Variants in FAM227A observed in about 807,000 individuals in gnomAD.
FAM227A encodes the protein family with sequence similarity 227 member A.
A neutral mutation model predicts 74.7 loss-of-function variants in FAM227A; 80 were observed. The observed-to-expected ratio is 1.07, with a 90% CI of 0.89 to 1.29. The LOEUF (loss-of-function observed/expected upper bound fraction) is 1.29. Ranked by LOEUF, FAM227A falls within the 50% of genes most tolerant of loss-of-function variation. The probability of loss-of-function intolerance (pLI) is 0.00; values close to 1 mark genes in which losing one functional copy is unlikely to be tolerated. For missense variants in FAM227A, 654 were observed against 683.4 expected (o/e 0.96, Z 0.48); for synonymous variants, 237 against 241.8 (o/e 0.98, Z 0.19).
At chr22:38,653,719 G>A (rs1247630574) in intron 1 of FAM227A, 1 of 152,166 alleles carries the variant, frequency 6.6e-6, no homozygotes, top group Non-Finnish European at 1.5e-5. Flanking sequence ...CCCATCCCAG[G>A]TCTGTGTAAA....
intron 3 of FAM227A, among the ~76,000 whole-genome samples, chr22:38,641,972 T>TGCGC: frequency 7.0e-6 from 1 of 143,474 alleles, no homozygotes; most frequent in African/African-American, 2.6e-5. Context: ...TGTGTGTGTG[T>TGCGC]GTGCGCACGT....
intron 12 of FAM227A, among the ~76,000 whole-genome samples, chr22:38,606,861 C>G (rs773840598): frequency 6.6e-6 from 1 of 152,126 alleles, no homozygotes; most frequent in South Asian, 2.1e-4. Flanking sequence ...CTGTGCTGAC[C>G]TCATCACCAC....
intron 5 of FAM227A, 110 bp from the exon 6 acceptor site, chr22:38,636,707 G>T: frequency 1.0e-6 from 1 of 984,034 alleles, no homozygotes. Context: ...CTTATAGAAT[G>T]TTGAGAAAAT....
At chr22:38,599,729 A>C in intron 14 of FAM227A, 35 bp downstream of exon 14, 1 of 1,524,390 alleles carries the variant, frequency 6.6e-7, no homozygotes, top group South Asian at 1.3e-5. Flanking sequence ...GGGGGCCTGG[A>C]GCAGTGCGCA....
intron 16 of FAM227A, among the ~76,000 whole-genome samples, chr22:38,586,879 T>A (rs936983541): frequency 6.6e-6 from 1 of 151,828 alleles, no homozygotes; most frequent in African/African-American, 2.4e-5. Context: ...AGGGTTTCAC[T>A]ATGTTGACCA....
intron 1 of FAM227A, among the ~76,000 whole-genome samples, chr22:38,655,872 G>A (rs2045497644): frequency 6.6e-6 from 1 of 152,150 alleles, no homozygotes; most frequent in Non-Finnish European, 1.5e-5. Context: ...ACACCCACTA[G>A]GCAGCCGGTA....
At chr22:38,617,533 A>G (rs1039965862) in intron 11 of FAM227A, among the ~76,000 whole-genome samples, 59 of 152,104 alleles carry the variant, frequency 3.9e-4, no homozygotes, top group African/African-American at 1.4e-3. Flanking sequence ...CTGACCTTGT[A>G]ATCCGCCTGC....
At chr22:38,595,124 C>A (rs1489848687) in intron 15 of FAM227A, among the ~76,000 whole-genome samples, 2 of 152,060 alleles carry the variant, frequency 1.3e-5, no homozygotes, top group Non-Finnish European at 2.9e-5. Flanking sequence ...AAAAATAAAA[C>A]CCAATTGTAT....
In FAM227A at chr22:38,626,160, G is replaced by A. The variant is rs775992806; in HGVS notation, c.850+20C>T. 1.2e-5 allele frequency: 18 copies of A among 1,549,050 alleles called. No individual in the cohort carries two copies. The highest frequency in any genetic ancestry group is 2.0e-5 in the Admixed American group (1 of 50,366). On this transcript the variant is annotated intron_variant, in intron 9 of 16. Coordinates refer to ENST00000535113, the MANE Select transcript of FAM227A (RefSeq NM_001013647.2). ...TTTTTCTAGAATCGCTTTCCCCGGTGGAAAAAAGTCACCTCTCACCTGAAA... is the reference window on the plus strand; with the variant it reads ...TTTTTCTAGAATCGCTTTCCCCGGTAGAAAAAAGTCACCTCTCACCTGAAA...
chr22:38,642,913 G>A lies in FAM227A; in HGVS notation c.225+2650C>T, dbSNP rs547844691. Among the ~76,000 whole-genome samples, 385 of 152,256 alleles carry A rather than the reference G, an allele frequency of 2.5e-3. 1 individual carries two copies. The highest frequency in any genetic ancestry group is 3.6e-3 in the Non-Finnish European group (245 of 68,026). ...ATTGCACCACTGCACTCTAGCCTGGGTGACAGAGTGAGACTCCGTCTCAAA... is the reference window on the plus strand; with the variant it reads ...ATTGCACCACTGCACTCTAGCCTGGATGACAGAGTGAGACTCCGTCTCAAA... On this transcript the variant is annotated intron_variant, in intron 3 of 16. Coordinates refer to ENST00000535113, the MANE Select transcript of FAM227A (RefSeq NM_001013647.2).
intron 16 of FAM227A, among the ~76,000 whole-genome samples, chr22:38,590,151 C>T (rs762521464): frequency 5.9e-5 from 9 of 151,298 alleles, no homozygotes; most frequent in African/African-American, 9.8e-5. Flanking sequence ...TGGTGGCACG[C>T]GCCTGTAGTC....
At chr22:38,593,978 T>C (rs925021025) in intron 15 of FAM227A, among the ~76,000 whole-genome samples, 2 of 152,042 alleles carry the variant, frequency 1.3e-5, no homozygotes, top group Non-Finnish European at 2.9e-5. Flanking sequence ...AGGTGTGAGC[T>C]ACTGTGACCA....
chr22:38,614,628 A>G (rs2091538165), intron 11 of FAM227A, among the ~76,000 whole-genome samples: 1 of 152,158 alleles, frequency 6.6e-6, no homozygotes, highest in Admixed American at 6.5e-5. Context: ...CCCCACCACA[A>G]AACCCAATTA....
rs1251188460 is a variant in FAM227A at position 38,626,161 on chromosome 22, GA to G, written c.850+18del. On this transcript the variant is annotated intron_variant, in intron 9 of 16. Transcript: ENST00000535113. ...TTTTCTAGAATCGCTTTCCCCGGTG[GA>G]AAAAAGTCACCTCTCACCTGAAATC... 1.2e-5 allele frequency: 18 copies of G among 1,549,064 alleles called. No individual in the cohort carries two copies. The highest frequency in any genetic ancestry group is 1.5e-5 in the Non-Finnish European group (17 of 1,146,208).
chr22:38,603,487 C>CAAAA (rs71197122), intron 13 of FAM227A, among the ~76,000 whole-genome samples: 3 of 123,102 alleles, frequency 2.4e-5, no homozygotes, highest in Non-Finnish European at 5.3e-5. Flanking sequence ...GACTCCGTCT[C>CAAAA]AAAAAAAAAA....
chr22:38,607,513 C>A lies in FAM227A; in HGVS notation c.1039-37G>T, dbSNP rs575411767. 2,151 of 1,339,326 alleles carry A rather than the reference C, an allele frequency of 1.6e-3. 40 individuals carry two copies. In the South Asian group the frequency reaches 0.026, roughly 16 times the overall value. 83.0% of individuals were successfully genotyped at this position (1,339,326 alleles called of 1,614,324 possible). On this transcript the variant is annotated intron_variant, in intron 11 of 16. Coordinates refer to ENST00000535113, the MANE Select transcript of FAM227A (RefSeq NM_001013647.2). ...AAGAGAGAGAAAGAGAGGGAGAAAG[C>A]GAGAGAGAGAGAACAAAATAAAATT...
intron 3 of FAM227A, among the ~76,000 whole-genome samples, chr22:38,644,769 G>C (rs1265900627): frequency 1.3e-5 from 2 of 152,128 alleles, no homozygotes; most frequent in Non-Finnish European, 2.9e-5. Context: ...GCTCGATTTC[G>C]CTGTGAACTT....
chr22:38,584,590 T>A lies in FAM227A; in HGVS notation c.*1535A>T, dbSNP rs900128027. On this transcript the variant is annotated 3_prime_UTR_variant, in exon 17 of 17. Transcript: ENST00000535113. ...GACCAGCCTGGGCAACACAGTGAGA[T>A]CCCATCTCTACAAAAAAATTTCTTT... 7 of 152,010 alleles carry A rather than the reference T, an allele frequency of 4.6e-5. No individual in the cohort carries two copies. Among genetic ancestry groups the A allele is most frequent in the East Asian group, 1.9e-4 (1 of 5,178 alleles). 9.4% of individuals were successfully genotyped at this position (152,010 alleles called of 1,614,324 possible).
intron 3 of FAM227A, among the ~76,000 whole-genome samples, chr22:38,641,988 T>TGC (rs1008810319): frequency 2.1e-5 from 3 of 144,598 alleles, no homozygotes; most frequent in South Asian, 2.1e-4. Context: ...CACGTGTGTG[T>TGC]GCGCGTGTGT....
Sources: allele counts gnomAD v4.1 joint callset (sites outside exome capture counted in the v4.1 genomes callset), GRCh38; gene constraint gnomAD v4.1.1; transcripts MANE v1.5; gene names NCBI Gene and HGNC (gene_info 2026-07-23, HGNC 2026-07-21).